Variants in LINGO2 observed in about 807,000 individuals in gnomAD.
LINGO2 encodes the protein leucine-rich repeat and immunoglobulin-like domain-containing nogo receptor-interacting protein 2.
Under a neutral mutation model 30.6 loss-of-function variants are expected in LINGO2, and 14 were observed. The observed-to-expected ratio is 0.46, with a 90% confidence interval of 0.30 to 0.72. LINGO2 has a LOEUF of 0.72. LINGO2 is among the 30% of genes least tolerant of loss of function. The pLI is 0.07. For missense variants in LINGO2, 729 were observed against 751.7 expected (o/e 0.97, Z 0.35); for synonymous variants, 317 against 288.5 (o/e 1.10, Z -1.00).
chr9:27,967,927 C>T (rs1008103502), intron 5 of LINGO2, among the ~76,000 whole-genome samples: 8 of 152,154 alleles, frequency 5.3e-5, no homozygotes, highest in Non-Finnish European at 1.2e-4. Flanking sequence ...CAAGAACATG[C>T]AATTCTTTAT....
intron 4 of LINGO2, among the ~76,000 whole-genome samples, chr9:28,137,320 A>G (rs1827547499): frequency 6.6e-6 from 1 of 152,038 alleles, no homozygotes; most frequent in Non-Finnish European, 1.5e-5. Flanking sequence ...GTAATATCTA[A>G]TTAAATATTT....
chr9:28,052,267 T>C (rs1337611592), intron 4 of LINGO2, among the ~76,000 whole-genome samples: 1 of 152,130 alleles, frequency 6.6e-6, no homozygotes, highest in Non-Finnish European at 1.5e-5. Context: ...AGTCACTTCA[T>C]GAAAACTAGC....
the LINGO2 span, among the ~76,000 whole-genome samples, chr9:28,756,988 A>T: frequency 2.0e-5 from 3 of 152,100 alleles, no homozygotes; most frequent in African/African-American, 7.3e-5. Context: ...GTGTGCAAAC[A>T]ATAAAGTAAT....
intron 1 of LINGO2, among the ~76,000 whole-genome samples, chr9:28,624,549 A>C (rs879273336): frequency 6.6e-6 from 1 of 151,802 alleles, no homozygotes; most frequent in Non-Finnish European, 1.5e-5. Flanking sequence ...TCTTTTTAAA[A>C]GTATTGTTGA....
At chr9:28,502,171 C>T (rs1399053937) in intron 1 of LINGO2, among the ~76,000 whole-genome samples, 1 of 150,482 alleles carries the variant, frequency 6.6e-6, no homozygotes, top group Admixed American at 6.6e-5. Flanking sequence ...CATACACACA[C>T]ACACATTTCT....
intron 4 of LINGO2, among the ~76,000 whole-genome samples, chr9:28,225,767 A>G (rs1252464652): frequency 1.3e-5 from 2 of 152,160 alleles, no homozygotes; most frequent in Non-Finnish European, 1.5e-5. Context: ...GCAGGGAAAT[A>G]TATTCAATTT....
the LINGO2 span, among the ~76,000 whole-genome samples, chr9:28,698,037 G>A: frequency 5.9e-5 from 9 of 151,946 alleles, no homozygotes; most frequent in African/African-American, 2.2e-4. Flanking sequence ...TGTAAAACTG[G>A]TTCTATGTAT....
the LINGO2 span, among the ~76,000 whole-genome samples, chr9:28,980,702 C>A: frequency 2.6e-5 from 4 of 152,100 alleles, no homozygotes; most frequent in Non-Finnish European, 5.9e-5. Context: ...CTCAGGGAGT[C>A]CTCTGAGTCC....
rs74890017 is a variant in LINGO2 at position 28,321,403 on chromosome 9, G to C, written c.-245-26037C>G. Among the ~76,000 whole-genome samples, 301 of 152,230 alleles carry C rather than the reference G, an allele frequency of 2.0e-3. 2 individuals carry two copies. Among genetic ancestry groups the C allele is most frequent in the South Asian group, 5.8e-3 (28 of 4,826 alleles). ...CTACATAAAAGACATGCAAAAGCCA[G>C]TGTGCTGAAAATTCAAAAGTTAGGA... On this transcript the variant is annotated intron_variant, in intron 3 of 5. Coordinates refer to ENST00000379992, the Ensembl canonical transcript of LINGO2.
chr9:28,249,552 T>A (rs1822120499), intron 4 of LINGO2, among the ~76,000 whole-genome samples: 1 of 152,086 alleles, frequency 6.6e-6, no homozygotes, highest in Non-Finnish European at 1.5e-5. Context: ...GCCTTAAGAA[T>A]TTTTTCTGGA....
chr9:28,388,990 C>T (rs1375545958), intron 2 of LINGO2, among the ~76,000 whole-genome samples: 1 of 151,928 alleles, frequency 6.6e-6, no homozygotes, highest in African/African-American at 2.4e-5. Context: ...ACTAAAATTC[C>T]TGGTTTTTGT....
intron 4 of LINGO2, among the ~76,000 whole-genome samples, chr9:28,199,496 G>A (rs1016330770): frequency 6.6e-6 from 1 of 151,838 alleles, no homozygotes; most frequent in East Asian, 1.9e-4. Context: ...CCGCCACCAC[G>A]CTCGGCTAAT....
At chr9:28,485,231 A>T (rs1370396041) in intron 1 of LINGO2, among the ~76,000 whole-genome samples, 1 of 152,162 alleles carries the variant, frequency 6.6e-6, no homozygotes, top group Admixed American at 6.6e-5. Flanking sequence ...GTGCTTCAGC[A>T]GTTCCTCCAG....
At chr9:28,052,410 G>A (rs1824718546) in intron 4 of LINGO2, among the ~76,000 whole-genome samples, 1 of 152,060 alleles carries the variant, frequency 6.6e-6, no homozygotes, top group Admixed American at 6.6e-5. Flanking sequence ...TAGCCACTGT[G>A]GGGAATTTGG....
intron 5 of LINGO2, among the ~76,000 whole-genome samples, chr9:27,997,257 A>C (rs183927275): frequency 2.7e-4 from 41 of 152,354 alleles, no homozygotes; most frequent in African/African-American, 6.5e-4. Context: ...CAGATGTGAA[A>C]GACTTAAGAT....
the LINGO2 span, among the ~76,000 whole-genome samples, chr9:29,114,227 C>T: frequency 3.3e-5 from 5 of 151,420 alleles, no homozygotes; most frequent in Non-Finnish European, 7.4e-5. Context: ...GTCACTGTGG[C>T]TTCAAGTATG....
At chr9:29,159,506 A>C in the LINGO2 span, among the ~76,000 whole-genome samples, 1 of 152,294 alleles carries the variant, frequency 6.6e-6, no homozygotes, top group East Asian at 1.9e-4. Context: ...CTTATCATGA[A>C]ACTTTCAGTC....
intron 4 of LINGO2, among the ~76,000 whole-genome samples, chr9:28,045,555 T>C (rs1355908168): frequency 6.6e-6 from 1 of 152,242 alleles, no homozygotes; most frequent in Non-Finnish European, 1.5e-5. Context: ...AGAGAAAAGA[T>C]TGAGAATTAT....
chr9:29,175,321 A>C, the LINGO2 span, among the ~76,000 whole-genome samples: 5 of 152,184 alleles, frequency 3.3e-5, no homozygotes, highest in African/African-American at 1.2e-4. Flanking sequence ...TCAATGGACT[A>C]CTATTTTATA....
Sources: gnomAD v4.1 joint callset for allele counts (sites outside exome capture counted in the v4.1 genomes callset) on GRCh38, gnomAD v4.1.1 for gene constraint, MANE v1.5 for transcripts, NCBI Gene and HGNC (gene_info 2026-07-23, HGNC 2026-07-21) for gene names.